TECTA: variants seen among roughly 807,000 people sequenced by gnomAD.
The protein encoded by TECTA is alpha-tectorin.
A neutral mutation model predicts 216.8 loss-of-function variants in TECTA; 128 were observed. The observed-to-expected ratio is 0.59, with a 90% CI of 0.51 to 0.68. TECTA has a LOEUF of 0.68. Among genes scored for constraint, TECTA ranks in the 30% least tolerant of loss-of-function variants. The probability of loss-of-function intolerance (pLI) is 0.00; values close to 1 mark genes in which losing one functional copy is unlikely to be tolerated. For synonymous variants in TECTA, 1,089 were observed against 1,117.1 expected (o/e 0.97, Z 0.50); for missense variants, 2,551 against 2,786.2 (o/e 0.92, Z 1.90).
chr11:121,172,906 T>C (rs1947126825), intron 20 of TECTA, among the ~76,000 whole-genome samples: 1 of 150,014 alleles, frequency 6.7e-6, no homozygotes, highest in Non-Finnish European at 1.5e-5. Flanking sequence ...TGGTATCTCA[T>C]TGTGGTTTTG....
intron 19 of TECTA, 54 bp from the exon 20 acceptor site, chr11:121,168,623 A>T (rs578096634): frequency 6.2e-7 from 1 of 1,613,744 alleles, no homozygotes; most frequent in East Asian, 2.2e-5. Flanking sequence ...ATGGTAGGTA[A>T]TTGAATAGGT....
chr11:121,118,262 G>C, intron 6 of TECTA, 44 bp from the exon 7 acceptor site: 2 of 1,610,912 alleles, frequency 1.2e-6, no homozygotes, highest in Non-Finnish European at 1.7e-6. Flanking sequence ...GGCACAGAGG[G>C]GAAATGCTCA....
At position 121,129,649 on chromosome 11, in the gene TECTA, G is replaced by C; in HGVS notation, c.2379G>C (p.Gln793His). The change falls in exon 10 of 24, where the codon CAG becomes CAC. Residue 793 changes from glutamine to histidine, a missense_variant. Physicochemically the swap from Gln to His is conservative, Grantham distance 24. Around this residue, in one of 3 missense-constraint regions of TECTA, gnomAD observed 2,375 missense variants for 2,563.9 expected, o/e 0.93. Coordinates refer to ENST00000392793, the MANE Select transcript of TECTA (RefSeq NM_005422.4). ...ACTTGATTTTTCAGTTGAATGGTCA[G>C]GAAGTGGAATTGCCTTTTTTCCATC... ...IGASEVKLNG[Q>H]EVELPFFHPS... 6.2e-7 allele frequency: 1 copy of C among 1,614,188 alleles called. No homozygotes were observed.
At position 121,130,137 on chromosome 11, in the gene TECTA, C is replaced by T; in HGVS notation, c.2867C>T (p.Ser956Phe). Residue 956 changes from serine (S) to phenylalanine (F), a missense_variant, in exon 10 of 24, where the codon TCT (serine) becomes TTT (phenylalanine). By Grantham distance (155) the Ser-to-Phe change is radical. This residue lies in a region of TECTA where 2,375 missense variants were observed against 2,563.9 expected (regional missense o/e 0.93). Transcript: ENST00000392793. ...SGGNESELCD[S>F]VARYASACKN... ...GGCAATGAGTCAGAGCTCTGTGACT[C>T]TGTGGCCCGGTATGCAAGCGCCTGC... 6.2e-7 allele frequency: 1 copy of T among 1,610,588 alleles called. No individual in the cohort carries two copies. The highest frequency in any genetic ancestry group is 8.5e-7 in the Non-Finnish European group (1 of 1,180,010).
chr11:121,117,472 G>C (rs1946512055), intron 6 of TECTA, among the ~76,000 whole-genome samples: 2 of 152,164 alleles, frequency 1.3e-5, no homozygotes, highest in South Asian at 4.1e-4. Flanking sequence ...TTGGTGGGGA[G>C]GTCATTTATT....
rs796141596 is a variant in TECTA at position 121,153,005 on chromosome 11, T to A, written c.4230T>A (p.Ala1410=). 1.9e-6 allele frequency: 3 copies of A among 1,614,220 alleles called. No homozygotes were observed. Among genetic ancestry groups the A allele is most frequent in the African/African-American group, 2.7e-5 (2 of 75,060 alleles). The change falls in exon 13 of 24, where the codon GCT becomes GCA. Residue 1410 remains alanine (A), a synonymous_variant. Coordinates refer to ENST00000392793, the MANE Select transcript of TECTA (RefSeq NM_005422.4). ...HYCVEGCHCD[A]GYVLNGKSCI... is the part of the protein sequence containing the mutation. ...GCGTGGAGGGCTGTCACTGCGACGC[T>A]GGCTACGTCCTCAACGGCAAGAGCT...
intron 19 of TECTA, 32 bp downstream of exon 19, chr11:121,168,249 T>G (rs374867259): frequency 2.7e-5 from 43 of 1,613,784 alleles, no homozygotes; most frequent in Non-Finnish European, 3.6e-5. Context: ...GCACATTGCT[T>G]TTTCTATTCC....
rs1412208971 is a variant in TECTA, at chr11:121,158,026, C to T, written c.4491C>T (p.Thr1497=). The T allele has an allele frequency of 2.5e-6, 4 of 1,612,924 alleles. No individual in the cohort carries two copies. The Admixed American group carries it at 5.0e-5, about 20-fold the overall frequency. ...CGGCCGGCGGCGGCGTCTTCCGCAC[C>T]TTCGACGGCGCCTTCCTGCGCTTCC... ...CLAAGGGVFR[T]FDGAFLRFPA... is the part of the protein sequence containing the mutation. Residue 1497 remains threonine (T), a synonymous_variant, in exon 14 of 24, where the codon ACC becomes ACT. Transcript: ENST00000392793.
intron 6 of TECTA, among the ~76,000 whole-genome samples, chr11:121,116,329 T>G (rs1395225547): frequency 6.6e-6 from 1 of 152,176 alleles, no homozygotes; most frequent in Non-Finnish European, 1.5e-5. Flanking sequence ...GCCTCAGAAG[T>G]TGCAGACTCT....
rs767569253 is a variant in TECTA, at chr11:121,189,873, C to T, written c.6360C>T (p.Ser2120=). Residue 2120 remains serine, a synonymous_variant, in exon 23 of 24, where the codon AGC becomes AGT. Transcript: ENST00000392793. ...VTGTLQEDGK[S]CRASNSSMEL... The stretch of plus-strand genomic sequence containing the variant: ...GAACCCTGCAGGAGGACGGCAAGAG[C>T]TGCAGAGGTAGACACTCTTCTACCC... The T allele has an allele frequency of 6.8e-6, 11 of 1,612,546 alleles. No individual in the cohort carries two copies. The Admixed American group carries it at 1.5e-4, about 22-fold the overall frequency.
intron 18 of TECTA, among the ~76,000 whole-genome samples, 196 bp from the exon 19 acceptor site, chr11:121,167,858 G>A (rs1401710935): frequency 1.3e-5 from 2 of 152,192 alleles, no homozygotes; most frequent in East Asian, 3.8e-4. Context: ...CAGACTGAAG[G>A]GTGCTGCTGA....
chr11:121,120,483 G>A (rs775676611), intron 7 of TECTA, among the ~76,000 whole-genome samples: 1 of 152,202 alleles, frequency 6.6e-6, no homozygotes, highest in Non-Finnish European at 1.5e-5. Context: ...GAGAGGGCTG[G>A]GAAGCAGGAA....
At position 121,158,211 on chromosome 11, in the gene TECTA, G is replaced by A. The variant is rs1184211696; in HGVS notation, c.4676G>A (p.Arg1559Gln). 1.9e-6 allele frequency: 3 copies of A among 1,612,772 alleles called. No homozygotes were observed. Residue 1559 changes from arginine (R) to glutamine (Q), a missense_variant, in exon 14 of 24, where the codon CGG (arginine) becomes CAG (glutamine). By Grantham distance (43) the Arg-to-Gln change is conservative. Coordinates refer to ENST00000392793, the MANE Select transcript of TECTA (RefSeq NM_005422.4). ...GAAGAGCAGATTCTCATCAACGACC[G>A]GAACACGGTCAAGGTAACCAGCCTG... ...INEEQILIND[R>Q]NTVKVNGTQV...
At chr11:121,140,240 T>C (rs1946770936) in intron 11 of TECTA, among the ~76,000 whole-genome samples, 1 of 150,784 alleles carries the variant, frequency 6.6e-6, no homozygotes, top group Non-Finnish European at 1.5e-5. Context: ...GTTCTTTTCA[T>C]GTATAGACTG....
intron 11 of TECTA, among the ~76,000 whole-genome samples, chr11:121,143,197 T>C (rs1003513472): frequency 2.6e-5 from 4 of 152,226 alleles, no homozygotes; most frequent in Non-Finnish European, 5.9e-5. Flanking sequence ...GCCATGTGTG[T>C]ATGGGATACA....
In TECTA at chr11:121,113,617, T is replaced by C; in HGVS notation, c.689T>C (p.Ile230Thr). The stretch of plus-strand genomic sequence containing the variant: ...CTCCCGGGGTCAAGAACCCCCGAGA[T>C]CGTGAATATCCAGGAGACCACAAAC... ...FSLPGSRTPE[I>T]VNIQETTNVN... Residue 230 changes from isoleucine (I) to threonine (T), a missense_variant, in exon 6 of 24, where the codon ATC becomes ACC. Transcript: ENST00000392793. The surrounding 1 kb of genome is among the most constrained non-coding windows in gnomAD (Gnocchi z 4.2). The C allele has an allele frequency of 6.2e-7, 1 of 1,613,644 alleles. No individual in the cohort carries two copies. The highest frequency in any genetic ancestry group is 1.3e-5 in the African/African-American group (1 of 74,894).
At chr11:121,161,873 A>T (rs925263629) in intron 15 of TECTA, among the ~76,000 whole-genome samples, 1 of 152,038 alleles carries the variant, frequency 6.6e-6, no homozygotes, top group African/African-American at 2.4e-5. Flanking sequence ...TATTTCAGTG[A>T]TATAAACAAC....
At chr11:121,147,154 C>A (rs4936586) in intron 12 of TECTA, among the ~76,000 whole-genome samples, 41,445 of 152,048 alleles carry the variant, frequency 0.27, 7,150 homozygotes, top group African/African-American at 0.49. Flanking sequence ...TCTCATTAAC[C>A]ATAGCATATT....
chr11:121,183,082 C>G lies in TECTA; in HGVS notation c.6000-4750C>G, dbSNP rs115014997. ...CAGCCTCCCTGGCGCACTGCATCAC[C>G]TGTTCCCCAGGGTGTAGGACACTGT... On this transcript the variant is annotated intron_variant, in intron 20 of 23. Coordinates refer to ENST00000392793, the MANE Select transcript of TECTA (RefSeq NM_005422.4). Among the ~76,000 whole-genome samples the G allele has an allele frequency of 6.5e-3, 985 of 152,282 alleles. 12 individuals carry two copies. The highest frequency in any genetic ancestry group is 0.023 in the African/African-American group (938 of 41,542).
Sources: allele counts gnomAD v4.1 joint callset (sites outside exome capture counted in the v4.1 genomes callset), GRCh38; gene constraint gnomAD v4.1.1; regional missense constraint gnomAD v4.1.1; non-coding constraint Gnocchi (gnomAD v3.1); transcripts MANE v1.5; gene names NCBI Gene and HGNC (gene_info 2026-07-23, HGNC 2026-07-21).